Variants in BIRC6 observed in about 807,000 individuals in gnomAD.
BIRC6 encodes the protein dual E2 ubiquitin-conjugating enzyme/E3 ubiquitin-protein ligase BIRC6.
BIRC6 carries 98 observed loss-of-function variants against 503.3 expected under a neutral mutation model. The ratio of observed to expected loss-of-function variants is 0.19; its 90% confidence interval spans 0.17 to 0.23. BIRC6 has a LOEUF of 0.23. Ranked by LOEUF, BIRC6 falls within the 10% of genes least tolerant of loss-of-function variation. BIRC6 has a pLI of 1.00. For missense variants in BIRC6, 5,360 were observed against 5,806.0 expected, an observed-to-expected ratio of 0.92 and a Z score of 2.50; for synonymous variants, 2,240 against 2,078.7, an observed-to-expected ratio of 1.08 and a Z score of -2.11.
chr2:32,475,912 A>G (rs913201072), intron 33 of BIRC6, among the ~76,000 whole-genome samples: 14 of 152,026 alleles, frequency 9.2e-5, no homozygotes, highest in Non-Finnish European at 1.5e-4. Flanking sequence ...ATTAAAAGTA[A>G]ATTTTTTTCT....
intron 73 of BIRC6, 25 bp downstream of exon 73, chr2:32,611,607 C>T: frequency 6.6e-7 from 1 of 1,521,850 alleles, no homozygotes; most frequent in South Asian, 1.3e-5. Flanking sequence ...CTAACAGGAG[C>T]CTTGTTGCTT....
chr2:32,472,442 TTGTGTTTATACA>T (rs1396391114), intron 32 of BIRC6, among the ~76,000 whole-genome samples: 1 of 152,186 alleles, frequency 6.6e-6, no homozygotes, highest in Non-Finnish European at 1.5e-5. Context: ...AGTATTGGGA[TTGTGTTTATACA>T]TGTGGCTACT....
chr2:32,455,866 C>T (rs1166251319), intron 23 of BIRC6, among the ~76,000 whole-genome samples: 1 of 152,074 alleles, frequency 6.6e-6, no homozygotes, highest in Non-Finnish European at 1.5e-5. Flanking sequence ...ATGAAACTGC[C>T]TAAAGAGAGA....
chr2:32,537,528 T>G (rs918593278), intron 61 of BIRC6, among the ~76,000 whole-genome samples: 1 of 152,088 alleles, frequency 6.6e-6, no homozygotes, highest in Non-Finnish European at 1.5e-5. Context: ...ATCCTAGAAT[T>G]TTATACTCAT....
chr2:32,444,038 T>G (rs2045708845), intron 20 of BIRC6, among the ~76,000 whole-genome samples: 2 of 151,932 alleles, frequency 1.3e-5, no homozygotes, highest in Non-Finnish European at 2.9e-5. Flanking sequence ...GTGGTTTTTT[T>G]TTTTTTTTTT....
At chr2:32,545,497 G>A in intron 62 of BIRC6, 146 bp from the exon 63 acceptor site, 1 of 679,096 alleles carries the variant, frequency 1.5e-6, no homozygotes. Flanking sequence ...AGATATTACT[G>A]TTGTATTTGT....
rs777368785 is a variant in BIRC6 at position 32,442,362 on chromosome 2, G to A, written c.4145G>A (p.Arg1382Gln). ...AATGAGAACCTACTTTCAAAAACACGAAAATTTCTGTCAGACATCGTACGT... is the reference window on the plus strand; with the variant it reads ...AATGAGAACCTACTTTCAAAAACACAAAAATTTCTGTCAGACATCGTACGT... ...EGNENLLSKT[R>Q]KFLSDIVRVC... The change falls in exon 19 of 74, where the codon CGA (arginine) becomes CAA (glutamine). Residue 1382 changes from arginine (R) to glutamine (Q), a missense_variant. Around this residue, in one of 16 missense-constraint regions of BIRC6, gnomAD observed 2,299 missense variants for 2,267.2 expected, o/e 1.01. Transcript: ENST00000421745. The A allele has an allele frequency of 9.9e-6, 16 of 1,612,384 alleles. No individual in the cohort carries two copies. The highest frequency in any genetic ancestry group is 8.8e-5 in the South Asian group (8 of 90,758).
rs77719981 is a variant in BIRC6, at chr2:32,526,066, A to T, written c.11920+438A>T. ...ACCATCCTGTCTGTTGTTCAAGGTG[A>T]TAACAGGTTGAGCATCCCTAATCCA... On this transcript the variant is annotated intron_variant, in intron 59 of 73. Coordinates refer to ENST00000421745, the MANE Select transcript of BIRC6 (RefSeq NM_016252.4). Among the ~76,000 whole-genome samples, 281 of 152,312 alleles carry T rather than the reference A, an allele frequency of 1.8e-3. 2 individuals carry two copies. The highest frequency in any genetic ancestry group is 3.2e-3 in the Admixed American group (49 of 15,302).
At chr2:32,501,629 C>G (rs2053208067) in intron 46 of BIRC6, 84 bp from the exon 47 acceptor site, 1 of 1,220,380 alleles carries the variant, frequency 8.2e-7, no homozygotes. Context: ...CCTCGGCCTC[C>G]CAAAGTGTTG....
intron 1 of BIRC6, among the ~76,000 whole-genome samples, chr2:32,358,447 CGGA>C (rs1257164413): frequency 6.6e-6 from 1 of 151,992 alleles, no homozygotes; most frequent in African/African-American, 2.4e-5. Flanking sequence ...TTAGATTTGG[CGGA>C]GATGACATTT....
At chr2:32,382,754 T>C (rs2037861799) in intron 3 of BIRC6, among the ~76,000 whole-genome samples, 1 of 152,222 alleles carries the variant, frequency 6.6e-6, no homozygotes, top group Non-Finnish European at 1.5e-5. Context: ...GATGGGGTCT[T>C]GTGCTGTTGC....
rs1011482537 is a variant in BIRC6 at position 32,595,139 on chromosome 2, A to G, written c.13607A>G (p.Gln4536Arg). 6.4e-7 allele frequency: 1 copy of G among 1,568,096 alleles called. No individual in the cohort carries two copies. The highest frequency in any genetic ancestry group is 8.6e-7 in the Non-Finnish European group (1 of 1,157,704). ...TATGTGGCTGTTATGAAGAAATTAC[A>G]GTTTGGTAAGATGAAATTTTTGATT... is the stretch of plus-strand genomic sequence containing the variant. ...EKYVAVMKKL[Q>R]FDTFEMVSED... is the part of the protein sequence containing the mutation. Residue 4536 changes from glutamine (Q) to arginine (R), a missense_variant, in exon 68 of 74, where the codon CAG becomes CGG. Physicochemically the swap from Gln to Arg is conservative, Grantham distance 43. Coordinates refer to ENST00000421745, the MANE Select transcript of BIRC6 (RefSeq NM_016252.4).
intron 20 of BIRC6, among the ~76,000 whole-genome samples, 174 bp downstream of exon 20, chr2:32,443,762 A>G (rs536968355): frequency 1.8e-4 from 28 of 152,358 alleles, no homozygotes; most frequent in East Asian, 3.9e-4. Context: ...TACTCCGTCA[A>G]TAGTACTCCA....
rs184196416 is a variant in BIRC6, at chr2:32,605,755, G to A, written c.14071-1700G>A. On this transcript the variant is annotated intron_variant, in intron 71 of 73. Transcript: ENST00000421745. ...CACCTGTAACCCCAGCTACTTGGGA[G>A]GCTGAGGCAGAAGAATTGCTTGAAC... Among the ~76,000 whole-genome samples, 362 of 152,260 alleles carry A rather than the reference G, an allele frequency of 2.4e-3. 2 individuals are homozygous for A. The highest frequency in any genetic ancestry group is 0.01 in the Middle Eastern group (3 of 294).
intron 10 of BIRC6, among the ~76,000 whole-genome samples, chr2:32,419,451 G>T (rs968072635): frequency 6.6e-6 from 1 of 151,690 alleles, no homozygotes; most frequent in Non-Finnish European, 1.5e-5. Context: ...TTTTGTAAAA[G>T]GCATAAAATA....
chr2:32,414,928 A>T lies in BIRC6; in HGVS notation c.1637A>T (p.Asn546Ile). ...CTTGGGGCAAATCCTTGTTTAACAA[A>T]CTCTAAGAGTGAAAAGACAAAGGAA... Reference protein sequence around the residue: ...EELGANPCLTNSKSEKTKEKH... With the variant: ...EELGANPCLTISKSEKTKEKH... Residue 546 changes from asparagine to isoleucine, a missense_variant, in exon 10 of 74, where the codon AAC becomes ATC. Asn to Ile is a moderately radical substitution (Grantham distance 149). This residue lies in a region of BIRC6 where 700 missense variants were observed against 739.3 expected (regional missense o/e 0.95). Coordinates refer to ENST00000421745, the MANE Select transcript of BIRC6 (RefSeq NM_016252.4). The T allele has an allele frequency of 6.2e-7, 1 of 1,613,960 alleles. No homozygotes were observed. The highest frequency in any genetic ancestry group is 8.5e-7 in the Non-Finnish European group (1 of 1,179,874).
chr2:32,370,230 A>G (rs1278700493), intron 1 of BIRC6, among the ~76,000 whole-genome samples: 2 of 151,966 alleles, frequency 1.3e-5, no homozygotes, highest in Non-Finnish European at 2.9e-5. Context: ...GTAGGTCTTT[A>G]GAGATTGAGC....
chr2:32,547,426 AT>A (rs1383131089), intron 63 of BIRC6, among the ~76,000 whole-genome samples: 5 of 151,990 alleles, frequency 3.3e-5, no homozygotes, highest in Non-Finnish European at 5.9e-5. Context: ...GCATTTACCT[AT>A]TTTGGATATT....
chr2:32,458,719 G>A (rs1188033147), intron 23 of BIRC6, among the ~76,000 whole-genome samples: 2 of 118,428 alleles, frequency 1.7e-5, no homozygotes, highest in Non-Finnish European at 3.3e-5. Context: ...CTGATACAGA[G>A]TGAGACACTC....
Sources: gnomAD v4.1 joint callset for allele counts (sites outside exome capture counted in the v4.1 genomes callset) on GRCh38, gnomAD v4.1.1 for gene constraint, gnomAD v4.1.1 regional missense constraint, MANE v1.5 for transcripts, NCBI Gene and HGNC (gene_info 2026-07-23, HGNC 2026-07-21) for gene names.